The following SLC25A48 variants were observed in gnomAD, a reference collection of about 807,000 sequenced individuals.
SLC25A48 encodes CTC-321K16.1.
Under a neutral mutation model 32.2 loss-of-function variants are expected in SLC25A48, and 29 were observed. The observed-to-expected ratio is 0.90, with a 90% confidence interval of 0.67 to 1.23. The LOEUF is 1.23. Ranked by LOEUF, SLC25A48 falls within the 50% of genes most tolerant of loss-of-function variation. The pLI, the probability that SLC25A48 is intolerant of heterozygous loss-of-function variation, is 0.00. For missense variants in SLC25A48, 399 were observed against 422.7 expected, an observed-to-expected ratio of 0.94 and a Z score of 0.49; for synonymous variants, 164 against 172.3, an observed-to-expected ratio of 0.95 and a Z score of 0.38.
intron 2 of SLC25A48, among the ~76,000 whole-genome samples, chr5:135,845,073 T>C (rs1580971813): frequency 6.6e-6 from 1 of 152,334 alleles, no homozygotes; most frequent in East Asian, 1.9e-4. Flanking sequence ...ACAGTAGAAA[T>C]TTATTTCCTC....
intron 2 of SLC25A48, among the ~76,000 whole-genome samples, chr5:135,844,722 T>A (rs1759274492): frequency 6.6e-6 from 1 of 152,236 alleles, no homozygotes; most frequent in Admixed American, 6.5e-5. Flanking sequence ...CATGTGACAA[T>A]GTCCAGCAAG....
intron 3 of SLC25A48, among the ~76,000 whole-genome samples, chr5:135,765,079 G>T (rs1343159359): frequency 6.6e-6 from 1 of 151,762 alleles, no homozygotes; most frequent in Non-Finnish European, 1.5e-5. Flanking sequence ...GGGAGAAAGG[G>T]TGATATTACT....
chr5:135,831,945 G>C (rs892814970), upstream of SLC25A48, among the ~76,000 whole-genome samples: 1 of 152,156 alleles, frequency 6.6e-6, no homozygotes, highest in Non-Finnish European at 1.5e-5. Context: ...ATGAGGGCTG[G>C]GTGTCATTGA....
intron 1 of SLC25A48, among the ~76,000 whole-genome samples, chr5:135,838,079 G>C (rs138882303): frequency 6.6e-6 from 1 of 152,332 alleles, no homozygotes; most frequent in Non-Finnish European, 1.5e-5. Flanking sequence ...TGAAGTCCTG[G>C]TTGTGATGGT....
intron 3 of SLC25A48, among the ~76,000 whole-genome samples, chr5:135,754,758 A>G (rs1755854279): frequency 6.7e-6 from 1 of 148,956 alleles, no homozygotes; most frequent in South Asian, 2.1e-4. Flanking sequence ...CATTTATAAT[A>G]TCGAGTGTTT....
intron 3 of SLC25A48, among the ~76,000 whole-genome samples, chr5:135,783,237 G>A (rs570195407): frequency 0.037 from 3,377 of 91,036 alleles, 50 homozygotes; most frequent in African/African-American, 0.042. Context: ...TCTCAATATC[G>A]CATGAGGCAT....
At chr5:135,761,490 CTG>C (rs1418471748) in intron 3 of SLC25A48, among the ~76,000 whole-genome samples, 1 of 152,030 alleles carries the variant, frequency 6.6e-6, no homozygotes, top group Admixed American at 6.5e-5. Flanking sequence ...AAAAAGAAAA[CTG>C]AACTATATTC....
chr5:135,697,579 C>T (rs1442272665), intron 3 of SLC25A48, among the ~76,000 whole-genome samples: 3 of 152,172 alleles, frequency 2.0e-5, no homozygotes, highest in Non-Finnish European at 4.4e-5. Flanking sequence ...CTTCTGTGAG[C>T]CCCAACTGCA....
At position 135,736,073 on chromosome 5, in the gene SLC25A48, G is replaced by A. The variant is rs570355840; in HGVS notation, c.-520-76450G>A. 1.2e-4 allele frequency among the ~76,000 whole-genome samples: 19 copies of A among 152,222 alleles called. No individual in the cohort carries two copies. The East Asian group carries it at 1.4e-3, about 11-fold the overall frequency. On this transcript the variant is annotated intron_variant, in intron 3 of 10. Coordinates refer to the SLC25A48 transcript ENST00000646290. ...CTCAGCCTGGCGATGAGCAGCCTGGGGAGGAGGGGAGAGGTCGGATGATCT... is the reference window on the plus strand; with the variant it reads ...CTCAGCCTGGCGATGAGCAGCCTGGAGAGGAGGGGAGAGGTCGGATGATCT...
Position 135,850,417 on chromosome 5 carries a change from C to T in SLC25A48, c.91-8C>T. On this transcript the variant is annotated splice_region_variant and splice_polypyrimidine_tract_variant and intron_variant, in intron 2 of 7. Coordinates refer to ENST00000681962, the MANE Select transcript of SLC25A48 (RefSeq NM_001349336.2). ...TGCGCTGACCCATGTCCTTGCCTCT[C>T]TCCATAGACTCGCCTGCAGGCTGGC... The T allele has an allele frequency of 5.6e-6, 9 of 1,614,174 alleles. No homozygotes were observed. The African/African-American group carries it at 8.0e-5, about 14-fold the overall frequency.
chr5:135,788,165 TG>T (rs1561493130), intron 3 of SLC25A48, among the ~76,000 whole-genome samples: 2 of 134,742 alleles, frequency 1.5e-5, no homozygotes, highest in African/African-American at 5.9e-5. Flanking sequence ...ATGTCCGGGG[TG>T]GGGGGAAGGG....
At chr5:135,739,291 T>C (rs1417343303) in intron 3 of SLC25A48, among the ~76,000 whole-genome samples, 1 of 152,100 alleles carries the variant, frequency 6.6e-6, no homozygotes, top group South Asian at 2.1e-4. Context: ...CTAATTTTTT[T>C]ATTTTTTGTA....
intron 3 of SLC25A48, among the ~76,000 whole-genome samples, chr5:135,805,364 G>T (rs1757438576): frequency 6.6e-6 from 1 of 151,040 alleles, no homozygotes; most frequent in Non-Finnish European, 1.5e-5. Flanking sequence ...ATATCAACAT[G>T]GGCATACACC....
At chr5:135,792,820 T>A (rs1466765548) in intron 3 of SLC25A48, among the ~76,000 whole-genome samples, 1 of 151,552 alleles carries the variant, frequency 6.6e-6, no homozygotes, top group Non-Finnish European at 1.5e-5. Flanking sequence ...TTATTCCTAA[T>A]ATTACAGTCA....
chr5:135,791,774 G>A (rs1757036567), intron 3 of SLC25A48, among the ~76,000 whole-genome samples: 1 of 151,612 alleles, frequency 6.6e-6, no homozygotes, highest in South Asian at 2.1e-4. Flanking sequence ...TGTCTTTCCT[G>A]TGATATTATT....
intron 1 of SLC25A48, among the ~76,000 whole-genome samples, chr5:135,597,198 A>G (rs778403080): frequency 2.0e-5 from 3 of 152,212 alleles, no homozygotes; most frequent in African/African-American, 4.8e-5. Context: ...CCAGGCACAT[A>G]TCTCTATCTC....
At chr5:135,764,335 A>G (rs1235848900) in intron 3 of SLC25A48, among the ~76,000 whole-genome samples, 6 of 152,000 alleles carry the variant, frequency 3.9e-5, no homozygotes, top group Non-Finnish European at 7.4e-5. Context: ...CCCCTGTGAT[A>G]TGGTTCATAA....
At chr5:135,881,695 C>T (rs1557918) in intron 7 of SLC25A48, among the ~76,000 whole-genome samples, 93,544 of 152,076 alleles carry the variant, frequency 0.62, 29,142 homozygotes, top group East Asian at 0.82. Context: ...AATCCTATAA[C>T]AAAAGCCAGG....
At chr5:135,853,206 G>C (rs1435107550) in intron 4 of SLC25A48, among the ~76,000 whole-genome samples, 2 of 152,210 alleles carry the variant, frequency 1.3e-5, no homozygotes, top group African/African-American at 4.8e-5. Flanking sequence ...TGCCAGAGGA[G>C]GGTCTTGCCT....
Sources: gnomAD v4.1 joint callset for allele counts (sites outside exome capture counted in the v4.1 genomes callset) on GRCh38, gnomAD v4.1.1 for gene constraint, MANE v1.5 for transcripts, NCBI Gene and HGNC (gene_info 2026-07-23, HGNC 2026-07-21) for gene names.